EIF2B1: variants seen among roughly 807,000 people sequenced by gnomAD.
The protein encoded by EIF2B1 is eukaryotic translation initiation factor 2B subunit alpha.
In EIF2B1, 30 loss-of-function variants were observed where a neutral mutation model predicts 36.8. The observed-to-expected ratio is 0.81, with a 90% CI of 0.61 to 1.10. EIF2B1 has a LOEUF of 1.10. EIF2B1 is among the 50% of genes least tolerant of loss of function. The pLI, the probability that EIF2B1 is intolerant of heterozygous loss-of-function variation, is 0.00. For synonymous variants in EIF2B1, 139 were observed against 142.2 expected, an observed-to-expected ratio of 0.98 and a Z score of 0.16; for missense variants, 271 against 374.8, an observed-to-expected ratio of 0.72 and a Z score of 2.29.
rs1955058705 is a variant in EIF2B1, at chr12:123,620,583, TATATATATATATATATATATATATA to T, written c.*1148_*1172del. 1.6e-4 allele frequency: 4 copies of T among 25,456 alleles called. No individual in the cohort carries two copies. Among genetic ancestry groups the T allele is most frequent in the African/African-American group, 5.3e-4 (4 of 7,558 alleles). 1.6% of individuals were successfully genotyped at this position (25,456 alleles called of 1,614,324 possible). ...CACATATAGACATATGTACATATTA[TATATATATATATATATATATATATA>T]TATATATATATATATATATAAGCTC... On this transcript the variant is annotated 3_prime_UTR_variant, in exon 9 of 9. Coordinates refer to ENST00000424014, the MANE Select transcript of EIF2B1 (RefSeq NM_001414.4).
At chr12:123,631,148 T>A (rs73416222) in intron 2 of EIF2B1, among the ~76,000 whole-genome samples, 2 of 152,160 alleles carry the variant, frequency 1.3e-5, no homozygotes, top group African/African-American at 4.8e-5. Context: ...TAAACACTTA[T>A]AAAGCTGAAC....
chr12:123,633,240 C>T (rs1433981344), intron 1 of EIF2B1, among the ~76,000 whole-genome samples: 2 of 148,824 alleles, frequency 1.3e-5, no homozygotes, highest in African/African-American at 5.0e-5. Context: ...AATAACCATA[C>T]TAGATGAGCA....
chr12:123,629,214 C>T (rs1053843956), intron 4 of EIF2B1, among the ~76,000 whole-genome samples: 3 of 152,154 alleles, frequency 2.0e-5, no homozygotes, highest in African/African-American at 7.2e-5. Context: ...GGCAAAAGGA[C>T]GTATGCTGGT....
Position 123,632,440 on chromosome 12 carries a change from A to G in EIF2B1, c.20T>C (p.Ile7Thr). 1.2e-6 allele frequency: 2 copies of G among 1,611,788 alleles called. No homozygotes were observed. The highest frequency in any genetic ancestry group is 1.7e-6 in the Non-Finnish European group (2 of 1,178,408). Residue 7 changes from isoleucine to threonine, a missense_variant, in exon 2 of 9, where the codon ATT (isoleucine) becomes ACT (threonine). Transcript: ENST00000424014. MDDKELIEYFKSQMKED... is the reference protein window; with the variant it reads MDDKELTEYFKSQMKED... ...TTTCATCTGAGACTTAAAGTATTCA[A>G]TTAACTCTGGAAAAAGGGAAAAAAG...
Position 123,633,630 on chromosome 12 carries a change from C to A in EIF2B1, c.-73G>T. On this transcript the variant is annotated 5_prime_UTR_variant, in exon 1 of 9. Transcript: ENST00000424014. ...GTCTCGAACGGGTCCGCCGGCCGCG[C>A]CGCCTGCGAGCCAGTCTGACAGCGC... The A allele has an allele frequency of 6.3e-7, 1 of 1,594,768 alleles. No individual in the cohort carries two copies. Among genetic ancestry groups the A allele is most frequent in the Non-Finnish European group, 8.5e-7 (1 of 1,176,522 alleles).
At chr12:123,632,862 C>T (rs1017509663) in intron 1 of EIF2B1, among the ~76,000 whole-genome samples, 1 of 147,074 alleles carries the variant, frequency 6.8e-6, no homozygotes, top group African/African-American at 2.5e-5. Flanking sequence ...AGGAGAATGG[C>T]GTGAACCCGG....
chr12:123,624,150 G>A (rs966634249), intron 7 of EIF2B1, among the ~76,000 whole-genome samples: 3 of 149,006 alleles, frequency 2.0e-5, no homozygotes, highest in South Asian at 2.1e-4. Context: ...TATTATGTGT[G>A]TGTATATATA....
intron 7 of EIF2B1, among the ~76,000 whole-genome samples, chr12:123,624,170 AAAAC>A (rs1222789362): frequency 6.6e-6 from 1 of 150,798 alleles, no homozygotes; most frequent in Non-Finnish European, 1.5e-5. Flanking sequence ...ATGCATAAAT[AAAAC>A]ATACATATAC....
Position 123,630,775 on chromosome 12 carries a change from G to A in EIF2B1, c.116-242C>T, listed in dbSNP as rs1955181640. Reference sequence around the variant, plus strand: ...CACATAGAAATAAAGCTGGGTGGCTGGGCATGGTGGCTCACGCCTGTAATC... The same window carrying A: ...CACATAGAAATAAAGCTGGGTGGCTAGGCATGGTGGCTCACGCCTGTAATC... On this transcript the variant is annotated intron_variant, in intron 2 of 8. Coordinates refer to ENST00000424014, the MANE Select transcript of EIF2B1 (RefSeq NM_001414.4). The surrounding 1 kb of genome is among the most constrained non-coding windows in gnomAD (Gnocchi z 4.6). Among the ~76,000 whole-genome samples, 1 of 152,204 alleles carries A rather than the reference G, an allele frequency of 6.6e-6. No homozygotes were observed. The highest frequency in any genetic ancestry group is 2.4e-5 in the African/African-American group (1 of 41,456).
intron 2 of EIF2B1, 59 bp downstream of exon 2, chr12:123,632,272 AAAAAAAAAAAAAAG>A: frequency 1.2e-5 from 9 of 765,878 alleles, no homozygotes; most frequent in Non-Finnish European, 1.8e-5. Flanking sequence ...CGTCTCTTTA[AAAAAAAAAAAAAAG>A]AAAAGAAAAA....
chr12:123,626,608 T>C (rs1454877612), intron 5 of EIF2B1, 115 bp from the exon 6 acceptor site: 3 of 1,175,596 alleles, frequency 2.6e-6, no homozygotes, highest in African/African-American at 1.5e-5. Context: ...TACTAATGGG[T>C]TAAGGGGCAG....
At chr12:123,625,647 C>T (rs1317340654) in intron 6 of EIF2B1, among the ~76,000 whole-genome samples, 2 of 152,338 alleles carry the variant, frequency 1.3e-5, no homozygotes, top group East Asian at 1.9e-4. Context: ...GATCACTACT[C>T]TTGTTTTTTC....
chr12:123,624,256 CTTTTTT>C (rs11289720), intron 7 of EIF2B1, among the ~76,000 whole-genome samples: 11 of 129,102 alleles, frequency 8.5e-5, no homozygotes, highest in Non-Finnish European at 4.8e-5. Flanking sequence ...ATAAATTACA[CTTTTTT>C]TTTTTTTTTT....
In EIF2B1 at chr12:123,621,482, A is replaced by T. The variant is rs1159274905; in HGVS notation, c.*274T>A. ...TGGGCTCATCTTTCATCAGTTAAGT[A>T]GCCAATTATCTAACTTGTATTTCTG... On this transcript the variant is annotated 3_prime_UTR_variant, in exon 9 of 9. Transcript: ENST00000424014. 2.2e-6 allele frequency: 1 copy of T among 452,328 alleles called. No individual in the cohort carries two copies. Among genetic ancestry groups the T allele is most frequent in the East Asian group, 4.7e-5 (1 of 21,444 alleles). The allele number at this position is 452,328 out of a possible 1,614,324, so 28.0% of individuals were successfully genotyped here. A position where few individuals can be genotyped will look rare whatever the true frequency, so the allele number is the denominator to read the frequency against.
At chr12:123,628,114 G>A (rs1307551085) in intron 4 of EIF2B1, among the ~76,000 whole-genome samples, 1 of 152,136 alleles carries the variant, frequency 6.6e-6, no homozygotes, top group African/African-American at 2.4e-5. Flanking sequence ...GGAGTGCAGT[G>A]CAGTGTTCAT....
chr12:123,630,032 TG>T lies in EIF2B1; in HGVS notation c.369+136del. On this transcript the variant is annotated intron_variant, in intron 4 of 8. Transcript: ENST00000424014. This position sits in a 1 kb window ranked among gnomAD's most constrained non-coding sequence, Gnocchi z 4.6. ...ACTATTGTCATCCTTATTTAACAGATGAGAAAGCTGCACAGACAGGTTAAGT... is the reference window on the plus strand; with the variant it reads ...ACTATTGTCATCCTTATTTAACAGATAGAAAGCTGCACAGACAGGTTAAGT... 1 of 793,200 alleles carries T rather than the reference TG, an allele frequency of 1.3e-6. No individual in the cohort carries two copies. Among genetic ancestry groups the T allele is most frequent in the South Asian group, 1.4e-5 (1 of 72,364 alleles). 49.1% of individuals were successfully genotyped at this position (793,200 alleles called of 1,614,324 possible).
At chr12:123,626,915 A>G (rs1234394080) in intron 5 of EIF2B1, 129 bp downstream of exon 5, 1 of 824,568 alleles carries the variant, frequency 1.2e-6, no homozygotes, top group Admixed American at 1.9e-5. Context: ...AGGAAAAGGT[A>G]CAATGAAAGG....
chr12:123,629,775 A>G (rs1955174327), intron 4 of EIF2B1, among the ~76,000 whole-genome samples: 1 of 152,178 alleles, frequency 6.6e-6, no homozygotes, highest in Admixed American at 6.6e-5. Context: ...CCTGGGTGAC[A>G]GAGCAAGACT....
At position 123,620,967 on chromosome 12, in the gene EIF2B1, G is replaced by C. The variant is rs960748477; in HGVS notation, c.*789C>G. The C allele has an allele frequency of 6.6e-6, 1 of 152,458 alleles. No homozygotes were observed. Among genetic ancestry groups the C allele is most frequent in the African/African-American group, 2.4e-5 (1 of 41,396 alleles). The allele number at this position is 152,458 out of a possible 1,614,324, so 9.4% of individuals were successfully genotyped here. A position where few individuals can be genotyped will look rare whatever the true frequency, so the allele number is the denominator to read the frequency against. On this transcript the variant is annotated 3_prime_UTR_variant, in exon 9 of 9. Coordinates refer to ENST00000424014, the MANE Select transcript of EIF2B1 (RefSeq NM_001414.4). Reference sequence around the variant, plus strand: ...GGTCTTAAGTGTGTAAATGTAGCTGGACAGTGTTTTCCCCTAGATGGCCTG... The same window carrying C: ...GGTCTTAAGTGTGTAAATGTAGCTGCACAGTGTTTTCCCCTAGATGGCCTG...
Sources: allele counts gnomAD v4.1 joint callset (sites outside exome capture counted in the v4.1 genomes callset), GRCh38; gene constraint gnomAD v4.1.1; non-coding constraint Gnocchi (gnomAD v3.1); transcripts MANE v1.5; gene names NCBI Gene and HGNC (gene_info 2026-07-23, HGNC 2026-07-21).